Variants in DNAJC5B observed in about 807,000 individuals in gnomAD.
DNAJC5B encodes dnaJ homolog subfamily C member 5B.
In DNAJC5B, 23 loss-of-function variants were observed where a neutral mutation model predicts 24.7. The observed-to-expected ratio is 0.93, with a 90% CI of 0.67 to 1.32. DNAJC5B has a LOEUF of 1.32. Ranked by LOEUF, DNAJC5B falls within the 40% of genes most tolerant of loss-of-function variation. DNAJC5B has a pLI of 0.00. For missense variants in DNAJC5B, 238 were observed against 240.8 expected (o/e 0.99, Z 0.08); for synonymous variants, 101 against 90.1 (o/e 1.12, Z -0.68).
intron 3 of DNAJC5B, among the ~76,000 whole-genome samples, chr8:66,058,376 GTTCCTGATCCCT>G (rs1181990627): frequency 6.6e-6 from 1 of 152,156 alleles, no homozygotes; most frequent in Non-Finnish European, 1.5e-5. Flanking sequence ...AACAATCTTG[GTTCCTGATCCCT>G]TTTCCATATT....
At chr8:66,065,997 A>G (rs1586094852) in intron 3 of DNAJC5B, among the ~76,000 whole-genome samples, 2 of 152,286 alleles carry the variant, frequency 1.3e-5, no homozygotes, top group Admixed American at 1.3e-4. Flanking sequence ...GAGGTTTTGC[A>G]GGGTAGGTAA....
chr8:66,090,285 G>GT (rs1347423485), intron 5 of DNAJC5B, among the ~76,000 whole-genome samples: 3 of 146,192 alleles, frequency 2.1e-5, no homozygotes, highest in Non-Finnish European at 3.0e-5. Context: ...GTGTGTGGTA[G>GT]AGAGAGAGAG....
intron 5 of DNAJC5B, among the ~76,000 whole-genome samples, chr8:66,095,442 T>C (rs899789924): frequency 5.3e-5 from 8 of 152,022 alleles, no homozygotes; most frequent in Admixed American, 5.2e-4. Context: ...TCACCAGATG[T>C]CTTACAATAT....
intron 3 of DNAJC5B, among the ~76,000 whole-genome samples, chr8:66,073,883 A>G (rs534106803): frequency 2.0e-5 from 3 of 152,330 alleles, no homozygotes; most frequent in Non-Finnish European, 2.9e-5. Context: ...TTTTAGAGTT[A>G]TAGAGAGTTT....
chr8:66,034,176 T>TTTTGTGTGTGTGTGTG (rs375426371), intron 1 of DNAJC5B, among the ~76,000 whole-genome samples: 2 of 144,300 alleles, frequency 1.4e-5, no homozygotes, highest in African/African-American at 2.6e-5. Flanking sequence ...TGTTGTTGTT[T>TTTTGTGTGTGTGTGTG]TGTGTGTGTG....
upstream of DNAJC5B, among the ~76,000 whole-genome samples, chr8:66,019,342 A>G (rs916619146): frequency 2.0e-5 from 3 of 152,162 alleles, no homozygotes; most frequent in African/African-American, 7.2e-5. Flanking sequence ...TCAGACACAC[A>G]CTGCATATCT....
chr8:66,022,181 CAT>C (rs1806142871), intron 1 of DNAJC5B, among the ~76,000 whole-genome samples: 1 of 152,208 alleles, frequency 6.6e-6, no homozygotes, highest in Admixed American at 6.5e-5. Context: ...TCTGCTGGAA[CAT>C]ATACCGGACC....
chr8:66,055,950 GAATA>G (rs1294800394), intron 3 of DNAJC5B, among the ~76,000 whole-genome samples: 5 of 152,098 alleles, frequency 3.3e-5, no homozygotes, highest in Admixed American at 6.5e-5. Flanking sequence ...CTGTGTCTTG[GAATA>G]AATAAATAAA....
chr8:66,083,041 T>C (rs1475009355), intron 5 of DNAJC5B, among the ~76,000 whole-genome samples: 1 of 140,840 alleles, frequency 7.1e-6, no homozygotes, highest in Non-Finnish European at 1.5e-5. Context: ...ATGAAGTCTC[T>C]CTCTCTGTTG....
Position 66,076,764 on chromosome 8 carries a change from CAA to C in DNAJC5B, c.226_227del (p.Lys76GlufsTer24). 6.2e-7 allele frequency: 1 copy of C among 1,614,176 alleles called. No homozygotes were observed. The highest frequency in any genetic ancestry group is 8.5e-7 in the Non-Finnish European group (1 of 1,180,030). ...GCCCACGCAATACTTACCGACATTT[CAA>C]AGAGAAGCATATACGACAAGTACGG... On this transcript the variant is annotated frameshift_variant, in exon 4 of 6. Transcript: ENST00000276570. LOFTEE classifies it high-confidence loss of function.
chr8:66,022,589 C>A (rs1026877909), intron 1 of DNAJC5B, among the ~76,000 whole-genome samples: 2 of 152,172 alleles, frequency 1.3e-5, no homozygotes, highest in South Asian at 4.1e-4. Context: ...CAACAGCCAT[C>A]GACAAGAAGA....
At chr8:66,094,823 T>C (rs771886776) in intron 5 of DNAJC5B, among the ~76,000 whole-genome samples, 1 of 152,118 alleles carries the variant, frequency 6.6e-6, no homozygotes, top group Non-Finnish European at 1.5e-5. Context: ...ATCACGGATG[T>C]AAAATTTTTT....
intron 3 of DNAJC5B, among the ~76,000 whole-genome samples, chr8:66,062,994 A>T (rs1807118643): frequency 6.6e-6 from 1 of 152,242 alleles, no homozygotes; most frequent in Non-Finnish European, 1.5e-5. Flanking sequence ...TACGTGGCAG[A>T]GTGAGACCCT....
intron 4 of DNAJC5B, among the ~76,000 whole-genome samples, chr8:66,080,121 C>T (rs1343042350): frequency 1.3e-5 from 2 of 152,092 alleles, no homozygotes; most frequent in Non-Finnish European, 2.9e-5. Context: ...AAAAGGAAGG[C>T]CATACTTTAT....
chr8:66,036,686 C>T (rs1386672329), intron 1 of DNAJC5B, among the ~76,000 whole-genome samples: 1 of 152,190 alleles, frequency 6.6e-6, no homozygotes, highest in Non-Finnish European at 1.5e-5. Flanking sequence ...CCAGAGGGCA[C>T]CACAGTCATA....
intron 2 of DNAJC5B, among the ~76,000 whole-genome samples, chr8:66,045,694 A>G (rs1225432299): frequency 2.6e-5 from 4 of 151,956 alleles, no homozygotes; most frequent in African/African-American, 4.8e-5. Context: ...GCCTGAGCCC[A>G]TTTCTCTTTT....
At chr8:66,086,655 G>A (rs1807732894) in intron 5 of DNAJC5B, among the ~76,000 whole-genome samples, 1 of 152,168 alleles carries the variant, frequency 6.6e-6, no homozygotes, top group Non-Finnish European at 1.5e-5. Flanking sequence ...AACTAATTAA[G>A]ATGAGACAAG....
At chr8:66,050,925 T>G (rs1692178804) in intron 2 of DNAJC5B, among the ~76,000 whole-genome samples, 1 of 152,226 alleles carries the variant, frequency 6.6e-6, no homozygotes, top group African/African-American at 2.4e-5. Context: ...GTAAGCTAAT[T>G]AGCATACACA....
intron 1 of DNAJC5B, among the ~76,000 whole-genome samples, chr8:66,034,637 C>T (rs1215462480): frequency 1.3e-5 from 2 of 151,544 alleles, no homozygotes; most frequent in Non-Finnish European, 2.9e-5. Flanking sequence ...CATCCAAGAT[C>T]TGACAAGGAA....
Sources: gnomAD v4.1 joint callset for allele counts (sites outside exome capture counted in the v4.1 genomes callset) on GRCh38, gnomAD v4.1.1 for gene constraint, MANE v1.5 for transcripts, NCBI Gene and HGNC (gene_info 2026-07-23, HGNC 2026-07-21) for gene names.